ANAPC5: variants seen among roughly 807,000 people sequenced by gnomAD.
ANAPC5 encodes the protein anaphase-promoting complex subunit 5.
ANAPC5 carries 60 observed loss-of-function variants against 91.3 expected under a neutral mutation model. The observed-to-expected ratio is 0.66, with a 90% confidence interval of 0.53 to 0.81. The LOEUF is 0.81. Ranked by LOEUF, ANAPC5 falls within the 40% of genes least tolerant of loss-of-function variation. The pLI is 0.00. For missense variants in ANAPC5, 690 were observed against 931.5 expected (o/e 0.74, Z 3.37); for synonymous variants, 340 against 364.1 (o/e 0.93, Z 0.75).
rs1555275517 is a variant in ANAPC5 at position 121,352,341 on chromosome 12, G to C, written c.-1C>G. The C allele has an allele frequency of 6.3e-7, 1 of 1,598,076 alleles. No individual in the cohort carries two copies. Among genetic ancestry groups the C allele is most frequent in the African/African-American group, 1.3e-5 (1 of 74,524 alleles). On this transcript the variant is annotated 5_prime_UTR_variant, in exon 1 of 17. Coordinates refer to ENST00000261819, the MANE Select transcript of ANAPC5 (RefSeq NM_016237.5). The stretch of plus-strand genomic sequence containing the variant: ...AGAGGCTCTCGTGGACGCTGGCCAT[G>C]GCGGCCCGAGACTAAGTCTCGGGCC...
At chr12:121,341,055 C>T (rs1184811872) in intron 5 of ANAPC5, among the ~76,000 whole-genome samples, 1 of 151,494 alleles carries the variant, frequency 6.6e-6, no homozygotes, top group Admixed American at 6.6e-5. Context: ...TTGGGCTGGG[C>T]GTGGTGGCTC....
At chr12:121,311,525 G>A (rs756060109) in intron 15 of ANAPC5, among the ~76,000 whole-genome samples, 1 of 152,050 alleles carries the variant, frequency 6.6e-6, no homozygotes, top group Non-Finnish European at 1.5e-5. Context: ...GATTTGAAGG[G>A]AGAAATAGAC....
Position 121,349,768 on chromosome 12 carries a change from T to A in ANAPC5, c.208-1887A>T, listed in dbSNP as rs183463508. ...GGATGCCCAGGCTGGAGTGCAGTGATGTGATCTCAGCTCACTGCAACCTCC... is the reference window on the plus strand; with the variant it reads ...GGATGCCCAGGCTGGAGTGCAGTGAAGTGATCTCAGCTCACTGCAACCTCC... On this transcript the variant is annotated intron_variant, in intron 1 of 16. Coordinates refer to ENST00000261819, the MANE Select transcript of ANAPC5 (RefSeq NM_016237.5). Among the ~76,000 whole-genome samples, 1,069 of 148,542 alleles carry A rather than the reference T, an allele frequency of 7.2e-3. 13 individuals are homozygous for A. The highest frequency in any genetic ancestry group is 0.025 in the African/African-American group (1,017 of 40,464).
chr12:121,346,813 T>C (rs1903683494), intron 3 of ANAPC5, 83 bp downstream of exon 3: 5 of 779,496 alleles, frequency 6.4e-6, no homozygotes, highest in Admixed American at 3.2e-5. Context: ...TTCACAGATA[T>C]AGCAGAACAA....
chr12:121,349,759 G>A (rs1903812824), intron 1 of ANAPC5, among the ~76,000 whole-genome samples: 1 of 146,942 alleles, frequency 6.8e-6, no homozygotes, highest in Non-Finnish European at 1.5e-5. Context: ...CCAGGCTGGA[G>A]TGCAGTGATG....
At chr12:121,340,388 A>C (rs1244585468) in intron 5 of ANAPC5, among the ~76,000 whole-genome samples, 3 of 152,000 alleles carry the variant, frequency 2.0e-5, no homozygotes, top group African/African-American at 7.2e-5. Context: ...GTAAATATTT[A>C]CATTTAACCC....
intron 2 of ANAPC5, chr12:121,347,213 T>A (rs1903702879): frequency 9.8e-6 from 5 of 511,018 alleles, no homozygotes; most frequent in Non-Finnish European, 1.7e-5. Flanking sequence ...ATCATAAAAT[T>A]TGTCAAACTA....
At chr12:121,316,460 G>A (rs934395652) in intron 15 of ANAPC5, among the ~76,000 whole-genome samples, 2 of 152,044 alleles carry the variant, frequency 1.3e-5, no homozygotes, top group South Asian at 4.1e-4. Context: ...AACCCCGGGC[G>A]CGGTGGCTCA....
chr12:121,343,282 G>A (rs986327521), intron 4 of ANAPC5, among the ~76,000 whole-genome samples: 8 of 152,178 alleles, frequency 5.3e-5, no homozygotes, highest in Admixed American at 1.3e-4. Context: ...GGATTACACT[G>A]TAGCCTAGAA....
chr12:121,327,142 G>T lies in ANAPC5; in HGVS notation c.1394C>A (p.Ser465Tyr). 1 of 1,612,898 alleles carries T rather than the reference G, an allele frequency of 6.2e-7. No individual in the cohort carries two copies. Residue 465 changes from serine to tyrosine, a missense_variant, in exon 11 of 17, where the codon TCC becomes TAC. Physicochemically the swap from Ser to Tyr is moderately radical, Grantham distance 144. Transcript: ENST00000261819. ...GAGGTGGCAGAGTGCGACAGCAAAG[G>T]ACTCTGTGTTGTTCTGCTGCACGCC... ...NAGVQQNNTE[S>Y]FAVALCHLAE...
intron 6 of ANAPC5, among the ~76,000 whole-genome samples, chr12:121,336,193 T>C (rs567808850): frequency 6.6e-6 from 1 of 152,238 alleles, no homozygotes; most frequent in Non-Finnish European, 1.5e-5. Flanking sequence ...CACTGAAACT[T>C]CCCTAACAGG....
At position 121,346,994 on chromosome 12, in the gene ANAPC5, ATCAG is replaced by A; in HGVS notation, c.295_298del (p.Leu99TrpfsTer6). On this transcript the variant is annotated frameshift_variant, in exon 3 of 17. Transcript: ENST00000261819. LOFTEE classifies it high-confidence loss of function. Reference sequence around the variant, plus strand: ...CATATCCTTCAACTCGCCTTCAGCCATCAGTTTGATTCTGAATGAGAAAATCGAG... The same window carrying A: ...CATATCCTTCAACTCGCCTTCAGCCATTTGATTCTGAATGAGAAAATCGAG... The A allele has an allele frequency of 6.2e-7, 1 of 1,607,178 alleles. No individual in the cohort carries two copies. Among genetic ancestry groups the A allele is most frequent in the Non-Finnish European group, 8.5e-7 (1 of 1,177,694 alleles).
intron 1 of ANAPC5, among the ~76,000 whole-genome samples, chr12:121,348,831 C>G (rs572013599): frequency 4.6e-5 from 7 of 152,244 alleles, no homozygotes; most frequent in Admixed American, 3.9e-4. Flanking sequence ...AATTGCACTT[C>G]TAGGGAAGTT....
intron 12 of ANAPC5, among the ~76,000 whole-genome samples, 171 bp from the exon 13 acceptor site, chr12:121,319,989 A>G (rs943775183): frequency 6.6e-6 from 1 of 152,242 alleles, no homozygotes; most frequent in African/African-American, 2.4e-5. Context: ...GAAAAAGCAC[A>G]GAGAATAAAA....
intron 7 of ANAPC5, chr12:121,333,484 G>C (rs1303777437): frequency 6.6e-6 from 1 of 152,094 alleles, no homozygotes; most frequent in Non-Finnish European, 1.5e-5. Flanking sequence ...AAAAAGAAAG[G>C]CTCTGATCGA....
chr12:121,326,140 C>T (rs968129723), intron 11 of ANAPC5, among the ~76,000 whole-genome samples: 2 of 152,180 alleles, frequency 1.3e-5, no homozygotes, highest in African/African-American at 2.4e-5. Flanking sequence ...CCCATCCACC[C>T]CTCAGTTTAC....
intron 6 of ANAPC5, 33 bp from the exon 7 acceptor site, chr12:121,335,756 G>A (rs187373101): frequency 3.0e-5 from 46 of 1,549,782 alleles, no homozygotes; most frequent in Admixed American, 1.0e-4. Flanking sequence ...TATTTTAAAC[G>A]CTGTAAATAT....
At chr12:121,348,386 C>G (rs1053812675) in intron 1 of ANAPC5, among the ~76,000 whole-genome samples, 1 of 152,158 alleles carries the variant, frequency 6.6e-6, no homozygotes, top group African/African-American at 2.4e-5. Context: ...GACGAGAGGC[C>G]GGGCACAGTG....
rs1300085054 is a variant in ANAPC5 at position 121,319,683 on chromosome 12, T to C, written c.1637+14A>G. 6 of 1,598,446 alleles carry C rather than the reference T, an allele frequency of 3.8e-6. No individual in the cohort carries two copies. The highest frequency in any genetic ancestry group is 5.1e-6 in the Non-Finnish European group (6 of 1,175,600). ...TTATTTTATTCTGGGGTTAGAGTTT[T>C]CAAGGTTTCTTACCTATAAACACCC... is the stretch of plus-strand genomic sequence containing the variant. On this transcript the variant is annotated intron_variant, in intron 13 of 16. Coordinates refer to ENST00000261819, the MANE Select transcript of ANAPC5 (RefSeq NM_016237.5).
Sources: gnomAD v4.1 joint callset for allele counts (sites outside exome capture counted in the v4.1 genomes callset) on GRCh38, gnomAD v4.1.1 for gene constraint, MANE v1.5 for transcripts, NCBI Gene and HGNC (gene_info 2026-07-23, HGNC 2026-07-21) for gene names.